The following MYH1 variants were observed in gnomAD, a reference collection of about 807,000 sequenced individuals.
MYH1 encodes the protein myosin-1.
A neutral mutation model predicts 225.6 loss-of-function variants in MYH1; 214 were observed. The observed-to-expected ratio is 0.95, with a 90% CI of 0.85 to 1.06. MYH1 has a LOEUF of 1.06. Ranked by LOEUF, MYH1 falls within the 50% of genes least tolerant of loss-of-function variation. MYH1 has a pLI of 0.00. For synonymous variants in MYH1, 774 were observed against 842.3 expected (o/e 0.92, Z 1.40); for missense variants, 2,098 against 2,344.2 (o/e 0.89, Z 2.17).
intron 30 of MYH1, 57 bp from the exon 31 acceptor site, chr17:10,497,974 G>A: frequency 6.7e-7 from 1 of 1,498,854 alleles, no homozygotes; most frequent in Non-Finnish European, 9.0e-7. Context: ...GTGTTTCAAA[G>A]TGGGTACAAG....
At position 10,496,429 on chromosome 17, in the gene MYH1, T is replaced by C; in HGVS notation, c.4777A>G (p.Asn1593Asp). ...ATGGACTCCACGATTCTAATGTGGT[T>C]TCTCTTCATCTGGTCAATTTCCTCA... ...KDEEIDQMKR[N>D]HIRIVESMQS... Residue 1593 changes from asparagine to aspartate, a missense_variant, in exon 34 of 40, where the codon AAC becomes GAC. By Grantham distance (23) the Asn-to-Asp change is conservative (BLOSUM62 1). Coordinates refer to ENST00000226207, the MANE Select transcript of MYH1 (RefSeq NM_005963.4). 1.9e-6 allele frequency: 3 copies of C among 1,614,084 alleles called. No homozygotes were observed.
At position 10,508,480 on chromosome 17, in the gene MYH1, C is replaced by T; in HGVS notation, c.1780G>A (p.Ala594Thr). 10 of 1,614,178 alleles carry T rather than the reference C, an allele frequency of 6.2e-6. No individual in the cohort carries two copies. The highest frequency in any genetic ancestry group is 8.5e-6 in the Non-Finnish European group (10 of 1,180,036). The change falls in exon 16 of 40, where the codon GCC becomes ACC. Residue 594 changes from alanine (A) to threonine (T), a missense_variant. Ala to Thr is a moderately conservative substitution (Grantham distance 58, BLOSUM62 0). Transcript: ENST00000226207. ...HYAGTVDYNI[A>T]GWLDKNKDPL... ...TCCTTGTTCTTGTCAAGCCAGCCGG[C>T]AATGTTGTAGTCCACGGTGCCAGCA... is the stretch of plus-strand genomic sequence containing the variant.
chr17:10,510,956 A>C (rs2073165221), intron 14 of MYH1, among the ~76,000 whole-genome samples: 1 of 152,074 alleles, frequency 6.6e-6, no homozygotes, highest in African/African-American at 2.4e-5. Context: ...CTTCAAAAAA[A>C]AAAAAAGAAG....
chr17:10,505,532 A>T, intron 19 of MYH1, 21 bp from the exon 20 acceptor site: 1 of 1,611,138 alleles, frequency 6.2e-7, no homozygotes, highest in East Asian at 2.2e-5. Context: ...CAGACAAAAA[A>T]ATGATATGGC....
intron 24 of MYH1, among the ~76,000 whole-genome samples, chr17:10,502,320 G>A (rs1336550627): frequency 6.6e-6 from 1 of 152,168 alleles, no homozygotes; most frequent in Non-Finnish European, 1.5e-5. Context: ...TCCTAATTCT[G>A]AGTGTCCTTT....
rs766825206 is a variant in MYH1 at position 10,495,814 on chromosome 17, T to G, written c.5169+136A>C. The G allele has an allele frequency of 8.4e-6, 8 of 954,374 alleles. No individual in the cohort carries two copies. In the African/African-American group the frequency reaches 1.4e-4, roughly 16 times the overall value. The allele number at this position is 954,374 out of a possible 1,614,324, so 59.1% of individuals were successfully genotyped here. A position where few individuals can be genotyped will look rare whatever the true frequency, so the allele number is the denominator to read the frequency against. Reference sequence around the variant, plus strand: ...GTTATAGTTCAGATAAGAATATAGATAATCAAAAAAATAAAATATTTTAAA... The same window carrying G: ...GTTATAGTTCAGATAAGAATATAGAGAATCAAAAAAATAAAATATTTTAAA... On this transcript the variant is annotated intron_variant, in intron 35 of 39. Transcript: ENST00000226207.
rs113685336 is a variant in MYH1, at chr17:10,495,087, A to G, written c.5310T>C (p.Ala1770=). The part of the protein sequence containing the change: ...KKAITDAAMM[A]EELKKEQDTS... ...TGTCCTGTTCCTTCTTCAGCTCCTC[A>G]GCCATCATGGCAGCCTAATTAGCAG... Residue 1770 remains alanine (A), a synonymous_variant, in exon 37 of 40, where the codon GCT becomes GCC. Transcript: ENST00000226207. 61 of 1,614,064 alleles carry G rather than the reference A, an allele frequency of 3.8e-5. No individual in the cohort carries two copies. In the African/African-American group the frequency reaches 7.2e-4, roughly 19 times the overall value.
Position 10,505,169 on chromosome 17 carries a change from TCC to T in MYH1, c.2427_2428del (p.Glu810LysfsTer51), listed in dbSNP as rs759848430. ...AAAGAATTCTTATTAATACCTTCTT[TCC>T]ACCATTTTCTGGTACTCCACTCTTG... On this transcript the variant is annotated frameshift_variant, in exon 21 of 40. Transcript: ENST00000226207. LOFTEE classifies it high-confidence loss of function. 10 of 1,614,132 alleles carry T rather than the reference TCC, an allele frequency of 6.2e-6. No homozygotes were observed. The South Asian group carries it at 9.9e-5, about 16-fold the overall frequency.
chr17:10,501,498 G>T lies in MYH1; in HGVS notation c.3350C>A (p.Ala1117Asp), dbSNP rs1197892344. The change falls in exon 27 of 40, where the codon GCC (alanine) becomes GAC (aspartate). Residue 1117 changes from alanine to aspartate, a missense_variant and splice_region_variant. Ala to Asp is a moderately radical substitution (Grantham distance 126). Transcript: ENST00000226207. ...QLQKKIKELQ[A>D]RIEELEEEIE... ...TTCCTCCTCCAGCTCCTCAATGCGG[G>T]CCTGGGAATGGTGAAAAATATTAAT... 3.7e-6 allele frequency: 6 copies of T among 1,614,088 alleles called. No homozygotes were observed. The highest frequency in any genetic ancestry group is 5.1e-6 in the Non-Finnish European group (6 of 1,180,048).
rs776115973 is a variant in MYH1 at position 10,498,747 on chromosome 17, C to T, written c.4060G>A (p.Glu1354Lys). Residue 1354 changes from glutamate (E) to lysine (K), a missense_variant, in exon 30 of 40, where the codon GAG (glutamate) becomes AAG (lysine). Coordinates refer to ENST00000226207, the MANE Select transcript of MYH1 (RefSeq NM_005963.4). ...TGTAGCTCGGCCTTGGCTTCCTGCT[C>T]CTCCTCATACTGTTCCCGCAGCAGG... ...CDLLREQYEE[E>K]QEAKAELQRA... is the part of the protein sequence containing the mutation. 4 of 1,614,196 alleles carry T rather than the reference C, an allele frequency of 2.5e-6. No homozygotes were observed. Among genetic ancestry groups the T allele is most frequent in the Admixed American group, 1.7e-5 (1 of 60,030 alleles).
chr17:10,494,935 G>C lies in MYH1; in HGVS notation c.5462C>G (p.Ala1821Gly), dbSNP rs146410774. The C allele has an allele frequency of 7.9e-5, 128 of 1,614,082 alleles. No homozygotes were observed. The African/African-American group carries it at 1.5e-3, about 20-fold the overall frequency. The change falls in exon 37 of 40, where the codon GCC (alanine) becomes GGC (glycine). Residue 1821 changes from alanine (A) to glycine (G), a missense_variant. Coordinates refer to ENST00000226207, the MANE Select transcript of MYH1 (RefSeq NM_005963.4). ...GGKKQIQKLEARVRELEGEVE... is the reference protein window; with the variant it reads ...GGKKQIQKLEGRVRELEGEVE... The stretch of plus-strand genomic sequence containing the variant: ...CATGCTGATTAGGAGACCCACCCTG[G>C]CCTCCAGTTTCTGGATCTGCTTCTT...
chr17:10,495,514 CA>C (rs2072979985), intron 35 of MYH1, among the ~76,000 whole-genome samples, 197 bp from the exon 36 acceptor site: 1 of 151,826 alleles, frequency 6.6e-6, no homozygotes, highest in Non-Finnish European at 1.5e-5. Flanking sequence ...GTAATCCCAG[CA>C]CTTTGGGAGG....
At chr17:10,497,030 C>T in intron 33 of MYH1, 39 bp downstream of exon 33, 1 of 1,590,102 alleles carries the variant, frequency 6.3e-7, no homozygotes, top group East Asian at 2.2e-5. Context: ...ACCCCAATTC[C>T]TCTTCTAATT....
intron 17 of MYH1, among the ~76,000 whole-genome samples, chr17:10,506,699 G>T (rs999495062): frequency 6.6e-6 from 1 of 152,058 alleles, no homozygotes; most frequent in Admixed American, 6.5e-5. Flanking sequence ...CACCATGTTG[G>T]CCAGGCTGGT....
rs369367267 is a variant in MYH1 at position 10,516,633 on chromosome 17, C to T, written c.10G>A (p.Asp4Asn). 7.4e-6 allele frequency: 12 copies of T among 1,614,120 alleles called. No individual in the cohort carries two copies. The highest frequency in any genetic ancestry group is 1.6e-4 in the Middle Eastern group (1 of 6,062). The part of the protein sequence containing the change: MSS[D>N]SEMAIFGEAA... ...TCCCCAAAAATGGCCATCTCAGAGT[C>T]GGAACTCATGGCTGCAGGTTATTGA... Residue 4 changes from aspartate (D) to asparagine (N), a missense_variant, in exon 3 of 40, where the codon GAC becomes AAC. By Grantham distance (23) the Asp-to-Asn change is conservative. Transcript: ENST00000226207.
At position 10,512,396 on chromosome 17, in the gene MYH1, T is replaced by A. The variant is rs781014318; in HGVS notation, c.1147+12A>T. The A allele has an allele frequency of 4.3e-5, 70 of 1,614,016 alleles. No homozygotes were observed. The South Asian group carries it at 7.5e-4, about 17-fold the overall frequency. On this transcript the variant is annotated intron_variant, in intron 12 of 39. Coordinates refer to ENST00000226207, the MANE Select transcript of MYH1 (RefSeq NM_005963.4). ...TTCTCTCATTAAACCCAGATGGAGA[T>A]TCATTTGGTACCTTCAGTGCCATCT... is the stretch of plus-strand genomic sequence containing the variant.
Position 10,505,990 on chromosome 17 carries a change from CTG to C in MYH1, c.2056+20_2056+21del, listed in dbSNP as rs2142268769. 1 of 1,614,116 alleles carries C rather than the reference CTG, an allele frequency of 6.2e-7. No individual in the cohort carries two copies. Among genetic ancestry groups the C allele is most frequent in the East Asian group, 2.2e-5 (1 of 44,876 alleles). On this transcript the variant is annotated intron_variant, in intron 18 of 39. Coordinates refer to ENST00000226207, the MANE Select transcript of MYH1 (RefSeq NM_005963.4). ...CTATCACACACACACTGGAGCTTGT[CTG>C]GATATCAGAAATGTCTTACCAGGAG...
At chr17:10,497,699 G>T (rs1044769279) in intron 31 of MYH1, 35 bp downstream of exon 31, 1 of 1,610,418 alleles carries the variant, frequency 6.2e-7, no homozygotes, top group Non-Finnish European at 8.5e-7. Flanking sequence ...TGTTAATTCT[G>T]TGTTGAAAGT....
chr17:10,495,839 A>T, intron 35 of MYH1, 111 bp downstream of exon 35: 1 of 1,302,066 alleles, frequency 7.7e-7, no homozygotes, highest in Admixed American at 2.5e-5. Flanking sequence ...AATATTTTAA[A>T]CTTTATCCTT....
Sources: allele counts gnomAD v4.1 joint callset (sites outside exome capture counted in the v4.1 genomes callset), GRCh38; gene constraint gnomAD v4.1.1; transcripts MANE v1.5; gene names NCBI Gene and HGNC (gene_info 2026-07-23, HGNC 2026-07-21).